CDH17: variants seen among roughly 807,000 people sequenced by gnomAD.
CDH17 encodes the protein cadherin-17.
CDH17 carries 67 observed loss-of-function variants against 86.3 expected under a neutral mutation model. The ratio of observed to expected loss-of-function variants is 0.78; its 90% CI spans 0.64 to 0.95. The LOEUF is 0.95. CDH17 is among the 40% of genes least tolerant of loss of function. The pLI is 0.00. For missense variants in CDH17, 993 were observed against 1,017.6 expected, an observed-to-expected ratio of 0.98 and a Z score of 0.33; for synonymous variants, 367 against 366.4, an observed-to-expected ratio of 1.00 and a Z score of -0.02.
chr8:94,139,617 G>C (rs879350056), intron 15 of CDH17, among the ~76,000 whole-genome samples: 4 of 152,070 alleles, frequency 2.6e-5, no homozygotes, highest in Non-Finnish European at 5.9e-5. Flanking sequence ...AACCATAGTG[G>C]GCAGGGCACC....
intron 8 of CDH17, 113 bp downstream of exon 8, chr8:94,170,741 G>C (rs1813253375): frequency 1.0e-5 from 14 of 1,380,958 alleles, no homozygotes; most frequent in Non-Finnish European, 1.2e-5. Flanking sequence ...TAATATGCTG[G>C]AGTCTGAAAT....
intron 1 of CDH17, among the ~76,000 whole-genome samples, chr8:94,200,070 GC>G (rs1813875177): frequency 6.6e-6 from 1 of 152,134 alleles, no homozygotes; most frequent in South Asian, 2.1e-4. Context: ...CATCCTCACA[GC>G]CAAATGAGGC....
At chr8:94,136,752 C>G (rs959403165) in intron 15 of CDH17, among the ~76,000 whole-genome samples, 1 of 152,154 alleles carries the variant, frequency 6.6e-6, no homozygotes, top group Non-Finnish European at 1.5e-5. Context: ...AGCTTTTCTG[C>G]TCTGGTTTCT....
rs118057479 is a variant in CDH17 at position 94,170,711 on chromosome 8, A to G, written c.915+143T>C. On this transcript the variant is annotated intron_variant, in intron 8 of 17. Coordinates refer to ENST00000027335, the MANE Select transcript of CDH17 (RefSeq NM_004063.4). ...GATGGGTCAGAATTATGTGAAAATT[A>G]TCATGTCTTTGAAAACCAATAATAT... is the stretch of plus-strand genomic sequence containing the variant. 2,448 of 1,341,498 alleles carry G rather than the reference A, an allele frequency of 1.8e-3. 4 individuals carry two copies. Among genetic ancestry groups the G allele is most frequent in the Non-Finnish European group, 1.9e-3 (1,907 of 982,838 alleles). The allele number at this position is 1,341,498 out of a possible 1,614,324, so 83.1% of individuals were successfully genotyped here.
intron 3 of CDH17, among the ~76,000 whole-genome samples, chr8:94,178,371 TAAAG>T (rs1813414665): frequency 6.6e-6 from 1 of 152,118 alleles, no homozygotes; most frequent in African/African-American, 2.4e-5. Flanking sequence ...AGTATGGATA[TAAAG>T]AAACATTGTT....
intron 3 of CDH17, among the ~76,000 whole-genome samples, chr8:94,184,668 C>A (rs896530887): frequency 6.6e-6 from 1 of 151,830 alleles, no homozygotes; most frequent in Non-Finnish European, 1.5e-5. Flanking sequence ...ATTTGCACGT[C>A]TTTTTAGATA....
At chr8:94,188,871 G>A (rs1813630804) in intron 3 of CDH17, among the ~76,000 whole-genome samples, 2 of 152,234 alleles carry the variant, frequency 1.3e-5, no homozygotes, top group South Asian at 4.2e-4. Context: ...GAGGGTGGAT[G>A]GTCATTCCCC....
Position 94,165,686 on chromosome 8 carries a change from A to G in CDH17, c.1282+75T>C, listed in dbSNP as rs1813137934. On this transcript the variant is annotated intron_variant, in intron 10 of 17. Transcript: ENST00000027335. Reference sequence around the variant, plus strand: ...GGCATCATTCTATAACATACCAGACATTAGCGCAGGAAAATAACTCATAGC... The same window carrying G: ...GGCATCATTCTATAACATACCAGACGTTAGCGCAGGAAAATAACTCATAGC... The G allele has an allele frequency of 7.2e-6, 7 of 970,468 alleles. No individual in the cohort carries two copies. In the East Asian group the frequency reaches 1.2e-4, roughly 17 times the overall value. 60.1% of individuals were successfully genotyped at this position (970,468 alleles called of 1,614,324 possible).
At chr8:94,159,616 G>T (rs188144809) in intron 12 of CDH17, among the ~76,000 whole-genome samples, 2 of 152,126 alleles carry the variant, frequency 1.3e-5, no homozygotes, top group Non-Finnish European at 2.9e-5. Flanking sequence ...CACCAAGTTC[G>T]ATTTGAAGTT....
At chr8:94,138,324 G>A (rs987004576) in intron 15 of CDH17, among the ~76,000 whole-genome samples, 3 of 152,058 alleles carry the variant, frequency 2.0e-5, no homozygotes, top group Non-Finnish European at 4.4e-5. Context: ...GTGAAACCAT[G>A]GGTTTAAAGA....
upstream of CDH17, among the ~76,000 whole-genome samples, chr8:94,210,141 T>C (rs1033323551): frequency 2.1e-5 from 3 of 143,856 alleles, no homozygotes; most frequent in Admixed American, 7.2e-5. Context: ...GAATCGGGAC[T>C]GCAACCCTGT....
chr8:94,132,184 T>C (rs1812433887), intron 15 of CDH17, among the ~76,000 whole-genome samples: 1 of 152,346 alleles, frequency 6.6e-6, no homozygotes, highest in East Asian at 1.9e-4. Context: ...ATCCTTTGGG[T>C]ATATACCCAG....
chr8:94,202,006 TA>T, intron 1 of CDH17: 1 of 215,938 alleles, frequency 4.6e-6, no homozygotes. Context: ...TGAGTTTTGG[TA>T]AAATTTGCCA....
chr8:94,179,927 T>C (rs890935000), intron 3 of CDH17, among the ~76,000 whole-genome samples: 4 of 152,166 alleles, frequency 2.6e-5, no homozygotes, highest in Non-Finnish European at 5.9e-5. Context: ...TTATGAAATG[T>C]ACAAAAATAT....
At chr8:94,158,890 G>A (rs1184542618) in intron 12 of CDH17, among the ~76,000 whole-genome samples, 6 of 152,114 alleles carry the variant, frequency 3.9e-5, no homozygotes, top group African/African-American at 1.4e-4. Flanking sequence ...ATTCTATTTT[G>A]TCTTCATTTT....
At chr8:94,200,480 G>C (rs573215588) in intron 1 of CDH17, among the ~76,000 whole-genome samples, 1 of 139,408 alleles carries the variant, frequency 7.2e-6, no homozygotes, top group Admixed American at 7.3e-5. Flanking sequence ...GCAATTATTT[G>C]AGAGACCAAG....
chr8:94,200,015 G>A (rs878975686), intron 1 of CDH17, among the ~76,000 whole-genome samples: 3 of 152,072 alleles, frequency 2.0e-5, no homozygotes, highest in African/African-American at 7.2e-5. Context: ...CCCAACTTTT[G>A]GTGGCCCACT....
chr8:94,194,122 A>G (rs1337952260), intron 2 of CDH17, among the ~76,000 whole-genome samples: 1 of 152,224 alleles, frequency 6.6e-6, no homozygotes, highest in Admixed American at 6.5e-5. Flanking sequence ...TCCGAGCTCT[A>G]GAAGCCTGTC....
intron 13 of CDH17, among the ~76,000 whole-genome samples, chr8:94,151,526 A>G (rs1368900611): frequency 6.6e-6 from 1 of 152,198 alleles, no homozygotes; most frequent in Non-Finnish European, 1.5e-5. Flanking sequence ...CCTAAACCCT[A>G]GCCTAGATAA....
Sources: allele counts gnomAD v4.1 joint callset (sites outside exome capture counted in the v4.1 genomes callset), GRCh38; gene constraint gnomAD v4.1.1; transcripts MANE v1.5; gene names NCBI Gene and HGNC (gene_info 2026-07-23, HGNC 2026-07-21).